The following DENND5A variants were observed in gnomAD, a reference collection of about 807,000 sequenced individuals.
DENND5A encodes the protein DENN domain containing 5A.
In DENND5A, 64 loss-of-function variants were observed where a neutral mutation model predicts 140.3. That is an observed-to-expected ratio of 0.46 (90% CI 0.37 to 0.56). The LOEUF (loss-of-function observed/expected upper bound fraction) is 0.56, where lower values mean the gene tolerates loss of function less well. DENND5A is among the 20% of genes least tolerant of loss of function. DENND5A has a pLI of 0.00. For synonymous variants in DENND5A, 605 were observed against 607.7 expected (o/e 1.00, Z 0.07); for missense variants, 1,292 against 1,593.8 (o/e 0.81, Z 3.22).
chr11:9,204,359 T>C, intron 3 of DENND5A, 42 bp from the exon 4 acceptor site: 1 of 1,568,156 alleles, frequency 6.4e-7, no homozygotes, highest in East Asian at 2.2e-5. Context: ...GAACACTCAC[T>C]GGCGATCCTC....
At chr11:9,243,815 G>C (rs925250824) in intron 1 of DENND5A, among the ~76,000 whole-genome samples, 117 of 152,264 alleles carry the variant, frequency 7.7e-4, no homozygotes, top group Non-Finnish European at 2.1e-4. Flanking sequence ...GAACCTGGGA[G>C]GCAGAGGTTG....
chr11:9,183,076 A>G (rs1848787953), intron 5 of DENND5A, among the ~76,000 whole-genome samples: 1 of 152,232 alleles, frequency 6.6e-6, no homozygotes, highest in Non-Finnish European at 1.5e-5. Context: ...GTGTGTACAT[A>G]TATATTTAAA....
At chr11:9,200,580 G>C (rs1849489168) in intron 4 of DENND5A, among the ~76,000 whole-genome samples, 1 of 152,162 alleles carries the variant, frequency 6.6e-6, no homozygotes, top group African/African-American at 2.4e-5. Flanking sequence ...GTAACATCAG[G>C]CCAGTATACC....
chr11:9,161,094 T>A (rs1017978107), intron 11 of DENND5A, among the ~76,000 whole-genome samples: 1 of 152,126 alleles, frequency 6.6e-6, no homozygotes, highest in Admixed American at 6.5e-5. Flanking sequence ...ACACCTGTAA[T>A]CCCAGCACTC....
At chr11:9,169,425 G>A (rs1200690541) in intron 10 of DENND5A, among the ~76,000 whole-genome samples, 6 of 151,942 alleles carry the variant, frequency 3.9e-5, no homozygotes, top group South Asian at 2.1e-4. Context: ...CAGCCTGGGC[G>A]ATAAAAGCGA....
chr11:9,184,051 C>CA (rs913339408), intron 5 of DENND5A, among the ~76,000 whole-genome samples: 336 of 138,314 alleles, frequency 2.4e-3, no homozygotes, highest in African/African-American at 7.9e-3. Context: ...AACTCCATCT[C>CA]AAAAAAAAAA....
chr11:9,200,935 T>G (rs1849500716), intron 4 of DENND5A, among the ~76,000 whole-genome samples: 1 of 152,224 alleles, frequency 6.6e-6, no homozygotes, highest in Non-Finnish European at 1.5e-5. Context: ...GTGCTTGGAA[T>G]CCATCAATGA....
At chr11:9,165,757 G>A in intron 11 of DENND5A, 79 bp downstream of exon 11, 1 of 1,512,576 alleles carries the variant, frequency 6.6e-7, no homozygotes, top group Non-Finnish European at 9.1e-7. Context: ...AAATCCAGAG[G>A]GAGTGGTCAG....
chr11:9,241,966 A>T (rs973892019), intron 1 of DENND5A, among the ~76,000 whole-genome samples: 1 of 145,522 alleles, frequency 6.9e-6, no homozygotes, highest in Non-Finnish European at 1.5e-5. Flanking sequence ...GTGAGCAGAG[A>T]TTGCACCATT....
chr11:9,217,064 G>C (rs80170741), intron 1 of DENND5A, among the ~76,000 whole-genome samples: 8,931 of 152,062 alleles, frequency 0.059, 365 homozygotes, highest in South Asian at 0.1. Flanking sequence ...GAATCAGCAG[G>C]CATCAGCTGA....
At chr11:9,168,751 T>C (rs1564893015) in intron 10 of DENND5A, among the ~76,000 whole-genome samples, 1 of 152,222 alleles carries the variant, frequency 6.6e-6, no homozygotes, top group Non-Finnish European at 1.5e-5. Flanking sequence ...TGTTATTTAT[T>C]TTCCAATTCA....
intron 16 of DENND5A, 151 bp downstream of exon 16, chr11:9,146,879 G>A: frequency 1.2e-6 from 1 of 809,678 alleles, no homozygotes; most frequent in Non-Finnish European, 2.0e-6. Context: ...TCCAAGGAGG[G>A]CAAGTGCACC....
At chr11:9,177,940 T>C (rs1446489952) in intron 8 of DENND5A, 192 bp downstream of exon 8, 2 of 597,054 alleles carry the variant, frequency 3.3e-6, no homozygotes, top group Admixed American at 2.9e-5. Context: ...ATGAGATCCA[T>C]TCCTAACTAA....
chr11:9,207,649 A>G lies in DENND5A; in HGVS notation c.110-17T>C, dbSNP rs759195673. ...GGCATAATGCTATATGATAAATGAA[A>G]TAACAGAGTATTACAATAAAGCAGT... On this transcript the variant is annotated splice_polypyrimidine_tract_variant and intron_variant, in intron 1 of 22. Coordinates refer to ENST00000328194, the MANE Select transcript of DENND5A (RefSeq NM_015213.4). The G allele has an allele frequency of 5.1e-6, 8 of 1,554,174 alleles. 1 individual carries two copies. In the East Asian group the frequency reaches 1.8e-4, roughly 35 times the overall value.
intron 1 of DENND5A, among the ~76,000 whole-genome samples, chr11:9,264,326 T>C (rs569162562): frequency 6.6e-6 from 1 of 152,218 alleles, no homozygotes; most frequent in Non-Finnish European, 1.5e-5. Context: ...TCTGTCCTCA[T>C]AAAGGACATA....
chr11:9,139,537 C>G lies in DENND5A; in HGVS notation c.*134G>C, dbSNP rs1847165600. ...AAATAGATTATTTATTCCAAAAATCCTCTAGTTTTCTTTTTACAGTGAGTG... is the reference window on the plus strand; with the variant it reads ...AAATAGATTATTTATTCCAAAAATCGTCTAGTTTTCTTTTTACAGTGAGTG... On this transcript the variant is annotated 3_prime_UTR_variant, in exon 23 of 23. Coordinates refer to ENST00000328194, the MANE Select transcript of DENND5A (RefSeq NM_015213.4). 11 of 737,746 alleles carry G rather than the reference C, an allele frequency of 1.5e-5. No homozygotes were observed. The highest frequency in any genetic ancestry group is 1.5e-4 in the South Asian group (7 of 47,720). 45.7% of individuals were successfully genotyped at this position (737,746 alleles called of 1,614,324 possible). A position where few individuals can be genotyped will look rare whatever the true frequency, so the allele number is the denominator to read the frequency against.
chr11:9,208,213 C>T (rs1035385869), intron 1 of DENND5A, among the ~76,000 whole-genome samples: 2 of 152,160 alleles, frequency 1.3e-5, no homozygotes, highest in African/African-American at 2.4e-5. Context: ...GTCAAATATA[C>T]AGGAAAAAGA....
intron 5 of DENND5A, among the ~76,000 whole-genome samples, chr11:9,185,723 C>A (rs1273318331): frequency 6.6e-6 from 1 of 151,954 alleles, no homozygotes; most frequent in African/African-American, 2.4e-5. Context: ...TGTCTCTGTA[C>A]GTGTCTGTGT....
chr11:9,164,960 A>T (rs1848136467), intron 11 of DENND5A, among the ~76,000 whole-genome samples: 1 of 152,132 alleles, frequency 6.6e-6, no homozygotes, highest in Non-Finnish European at 1.5e-5. Context: ...TCCTGTCTTT[A>T]AAAAAGTTTT....
Sources: allele counts gnomAD v4.1 joint callset (sites outside exome capture counted in the v4.1 genomes callset), GRCh38; gene constraint gnomAD v4.1.1; transcripts MANE v1.5; gene names NCBI Gene and HGNC (gene_info 2026-07-23, HGNC 2026-07-21).